Variants in SOX6 observed in about 807,000 individuals in gnomAD.
SOX6 encodes the protein SRY-box transcription factor 6.
In SOX6, 11 loss-of-function variants were observed where a neutral mutation model predicts 97.8. The observed-to-expected ratio is 0.11, with a 90% confidence interval of 0.07 to 0.19. The LOEUF is 0.19. SOX6 is among the 10% of genes least tolerant of loss of function. The probability of loss-of-function intolerance (pLI) is 1.00; values close to 1 mark genes in which losing one functional copy is unlikely to be tolerated. For missense variants in SOX6, 810 were observed against 1,039.5 expected (o/e 0.78, Z 3.04); for synonymous variants, 360 against 371.4 (o/e 0.97, Z 0.35).
At chr11:16,503,975 G>A (rs12802250) in intron 4 of SOX6, among the ~76,000 whole-genome samples, 26,031 of 151,502 alleles carry the variant, frequency 0.17, 2,277 homozygotes, top group African/African-American at 0.19. Flanking sequence ...CCCAGGAGGC[G>A]GAGCTTGCAG....
chr11:16,558,263 C>T (rs1847770278), intron 4 of SOX6, among the ~76,000 whole-genome samples: 2 of 151,948 alleles, frequency 1.3e-5, no homozygotes, highest in African/African-American at 2.4e-5. Context: ...AACTCCCTGC[C>T]TTCATAAACC....
intron 1 of SOX6, among the ~76,000 whole-genome samples, chr11:16,413,330 T>C (rs920384599): frequency 2.2e-4 from 34 of 152,120 alleles, no homozygotes; most frequent in African/African-American, 7.2e-4. Context: ...CCTTTAAGTC[T>C]AAATTCTTAG....
rs146951952 is a variant in SOX6 at position 16,520,626 on chromosome 11, G to A, written n.610-44238C>T. Among the ~76,000 whole-genome samples the A allele has an allele frequency of 7.7e-3, 1,179 of 152,338 alleles. 6 individuals carry two copies. The highest frequency in any genetic ancestry group is 0.014 in the Admixed American group (219 of 15,304). The stretch of plus-strand genomic sequence containing the variant: ...CACTAGGGAGTGCCAGACAGTGGGC[G>A]TAGGACAGTGGGTGCAGCACAACAT... On this transcript the variant is annotated intron_variant and non_coding_transcript_variant, in intron 4 of 5. Coordinates refer to the SOX6 transcript ENST00000524520.
At chr11:16,408,281 A>T (rs1382448581) in intron 1 of SOX6, among the ~76,000 whole-genome samples, 1 of 149,582 alleles carries the variant, frequency 6.7e-6, no homozygotes, top group Non-Finnish European at 1.5e-5. Flanking sequence ...TTTCTTTTAA[A>T]ACTCTCTTTG....
At chr11:16,023,327 T>C (rs1440175751) in intron 12 of SOX6, 1 of 152,176 alleles carries the variant, frequency 6.6e-6, no homozygotes, top group Non-Finnish European at 1.5e-5. Context: ...CTCTATAACA[T>C]AAGTGCCTCT....
chr11:16,455,506 G>A (rs1859796026), intron 1 of SOX6, among the ~76,000 whole-genome samples: 1 of 151,986 alleles, frequency 6.6e-6, no homozygotes, highest in African/African-American at 2.4e-5. Flanking sequence ...CAACCCGAAA[G>A]GGGCTGGGCT....
chr11:16,214,970 G>A (rs1211415656), intron 4 of SOX6, among the ~76,000 whole-genome samples: 1 of 151,864 alleles, frequency 6.6e-6, no homozygotes, highest in Non-Finnish European at 1.5e-5. Flanking sequence ...GGCTGGCCTC[G>A]AACTCCTGAT....
chr11:16,137,176 C>T (rs1849989970), intron 6 of SOX6, among the ~76,000 whole-genome samples: 1 of 152,144 alleles, frequency 6.6e-6, no homozygotes, highest in Non-Finnish European at 1.5e-5. Context: ...TGGCTCATGC[C>T]TGTAATCCTA....
At chr11:16,394,234 T>C (rs528185306) in intron 1 of SOX6, among the ~76,000 whole-genome samples, 5 of 151,888 alleles carry the variant, frequency 3.3e-5, no homozygotes, top group Non-Finnish European at 5.9e-5. Context: ...TAAAATAAAA[T>C]GCAGATAAGT....
rs528457002 is a variant in SOX6, at chr11:16,541,795, A to G, written n.610-65407T>C. Among the ~76,000 whole-genome samples the G allele has an allele frequency of 3.3e-5, 5 of 152,338 alleles. No individual in the cohort carries two copies. The South Asian group carries it at 1.0e-3, about 32-fold the overall frequency. On this transcript the variant is annotated intron_variant and non_coding_transcript_variant, in intron 4 of 5. Coordinates refer to the SOX6 transcript ENST00000524520. The stretch of plus-strand genomic sequence containing the variant: ...TCTCACACCAGTTAGAATGGTGAGC[A>G]TTAAAAAGTCAGGAAACAACAGATG...
chr11:16,342,845 CAT>C (rs1026594260), intron 1 of SOX6, among the ~76,000 whole-genome samples: 7 of 151,654 alleles, frequency 4.6e-5, no homozygotes, highest in African/African-American at 1.7e-4. Context: ...TGCTTTGAAA[CAT>C]ATTAAAATGC....
At chr11:16,538,094 C>A (rs1861337728) in intron 4 of SOX6, among the ~76,000 whole-genome samples, 1 of 152,116 alleles carries the variant, frequency 6.6e-6, no homozygotes, top group South Asian at 2.1e-4. Flanking sequence ...GGGTTACCCA[C>A]AAAGGGAAGC....
intron 3 of SOX6, among the ~76,000 whole-genome samples, chr11:16,662,650 T>G (rs1485291570): frequency 1.3e-5 from 2 of 152,048 alleles, no homozygotes; most frequent in Non-Finnish European, 2.9e-5. Context: ...TTTTAATAAA[T>G]GCAAAAAAAA....
At chr11:16,574,707 G>T (rs1847966416) in intron 4 of SOX6, among the ~76,000 whole-genome samples, 1 of 152,070 alleles carries the variant, frequency 6.6e-6, no homozygotes, top group South Asian at 2.1e-4. Flanking sequence ...GTAAACAACA[G>T]TTCATATACA....
intron 9 of SOX6, among the ~76,000 whole-genome samples, chr11:16,072,950 T>C (rs922604008): frequency 2.0e-5 from 3 of 152,188 alleles, no homozygotes; most frequent in African/African-American, 7.2e-5. Flanking sequence ...AAGGGAGTGC[T>C]AAATGTGGAA....
intron 4 of SOX6, among the ~76,000 whole-genome samples, chr11:16,515,948 T>C (rs1243602552): frequency 1.3e-5 from 2 of 151,112 alleles, no homozygotes; most frequent in Non-Finnish European, 2.9e-5. Flanking sequence ...TTGGTTACTG[T>C]AGCCTTGTAG....
chr11:15,989,420 C>A (rs1853974532), intron 13 of SOX6, among the ~76,000 whole-genome samples, 190 bp from the exon 14 acceptor site: 1 of 152,154 alleles, frequency 6.6e-6, no homozygotes, highest in African/African-American at 2.4e-5. Context: ...CTCAAAGACA[C>A]ACTAAGAATT....
At chr11:16,349,715 A>AGGAAGGAGGAAGGAAGGAAG (rs369882029) in intron 1 of SOX6, among the ~76,000 whole-genome samples, 5 of 41,730 alleles carry the variant, frequency 1.2e-4, no homozygotes, top group African/African-American at 1.8e-4. Flanking sequence ...GAAGGAAGGA[A>AGGAAGGAGGAAGGAAGGAAG]GAAGGAAGGA....
At chr11:16,057,581 G>C (rs1847850081) in intron 9 of SOX6, among the ~76,000 whole-genome samples, 1 of 152,098 alleles carries the variant, frequency 6.6e-6, no homozygotes, top group Non-Finnish European at 1.5e-5. Context: ...ACCTACTGCA[G>C]ATCTATGGCA....
Sources: gnomAD v4.1 joint callset for allele counts (sites outside exome capture counted in the v4.1 genomes callset) on GRCh38, gnomAD v4.1.1 for gene constraint, MANE v1.5 for transcripts, NCBI Gene and HGNC (gene_info 2026-07-23, HGNC 2026-07-21) for gene names.